TNRC6B: variants seen among roughly 807,000 people sequenced by gnomAD.
TNRC6B encodes the protein trinucleotide repeat containing adaptor 6B, also known as trinucleotide repeat-containing gene 6B protein.
A neutral mutation model predicts 203.6 loss-of-function variants in TNRC6B; 52 were observed. The ratio of observed to expected loss-of-function variants is 0.26; its 90% confidence interval spans 0.20 to 0.32. The LOEUF is 0.32. Among genes scored for constraint, TNRC6B ranks in the 10% least tolerant of loss-of-function variants. The probability of loss-of-function intolerance (pLI) is 1.00; values close to 1 mark genes in which losing one functional copy is unlikely to be tolerated. For synonymous variants in TNRC6B, 838 were observed against 845.7 expected (o/e 0.99, Z 0.16); for missense variants, 1,923 against 2,286.2 (o/e 0.84, Z 3.24).
chr22:40,285,564 G>A (rs1427411267), intron 11 of TNRC6B, 81 bp from the exon 12 acceptor site: 2 of 1,491,678 alleles, frequency 1.3e-6, no homozygotes, highest in Non-Finnish European at 9.1e-7. Flanking sequence ...TTCTTCTGAG[G>A]GATCTAAAAG....
chr22:40,276,407 C>T (rs1050492704), intron 7 of TNRC6B, among the ~76,000 whole-genome samples: 1 of 152,104 alleles, frequency 6.6e-6, no homozygotes, highest in African/African-American at 2.4e-5. Flanking sequence ...TGCACAAAGC[C>T]CCAGCCCACC....
chr22:40,284,039 G>A (rs2070752756), intron 11 of TNRC6B, among the ~76,000 whole-genome samples: 1 of 152,216 alleles, frequency 6.6e-6, no homozygotes. Context: ...CTGTTTTCTT[G>A]GAGGTGATCA....
At chr22:40,126,652 A>G (rs1212054542) in intron 3 of TNRC6B, among the ~76,000 whole-genome samples, 1 of 129,552 alleles carries the variant, frequency 7.7e-6, no homozygotes, top group African/African-American at 3.1e-5. Flanking sequence ...GTGCAGTCAT[A>G]CGATCTTGAC....
intron 1 of TNRC6B, among the ~76,000 whole-genome samples, chr22:40,095,741 T>C (rs1298197045): frequency 6.6e-6 from 1 of 151,230 alleles, no homozygotes; most frequent in Non-Finnish European, 1.5e-5. Context: ...TTATATGATG[T>C]GTATTTCCTT....
Position 40,137,127 on chromosome 22 carries a change from G to A in TNRC6B, c.45+11265G>A, listed in dbSNP as rs1416268923. ...AATTTGTTTTGTTTGTGTTTTGGTAGGGGATGCAGAGAAAAAAGATTTACC... is the reference window on the plus strand; with the variant it reads ...AATTTGTTTTGTTTGTGTTTTGGTAAGGGATGCAGAGAAAAAAGATTTACC... On this transcript the variant is annotated intron_variant, in intron 3 of 23. Coordinates refer to the TNRC6B transcript ENST00000301923. Among the ~76,000 whole-genome samples, 3 of 152,174 alleles carry A rather than the reference G, an allele frequency of 2.0e-5. No homozygotes were observed. In the East Asian group the frequency reaches 5.8e-4, roughly 29 times the overall value.
At chr22:40,240,794 C>T (rs1421729095) in intron 1 of TNRC6B, among the ~76,000 whole-genome samples, 2 of 152,106 alleles carry the variant, frequency 1.3e-5, no homozygotes, top group Admixed American at 6.5e-5. Context: ...CTGGCATTTG[C>T]ATTTGTTGCT....
intron 1 of TNRC6B, among the ~76,000 whole-genome samples, chr22:40,100,176 T>G (rs1374262876): frequency 6.6e-6 from 1 of 151,780 alleles, no homozygotes; most frequent in African/African-American, 2.4e-5. Flanking sequence ...AATCTCCACC[T>G]TCCAGGTTCA....
At chr22:40,201,868 A>G (rs1161464208) in intron 1 of TNRC6B, among the ~76,000 whole-genome samples, 1 of 152,126 alleles carries the variant, frequency 6.6e-6, no homozygotes, top group African/African-American at 2.4e-5. Flanking sequence ...TCAGATTTTC[A>G]GATTCAGGAT....
intron 3 of TNRC6B, among the ~76,000 whole-genome samples, chr22:40,147,686 C>G (rs566523157): frequency 4.6e-5 from 7 of 152,206 alleles, no homozygotes; most frequent in African/African-American, 1.7e-4. Flanking sequence ...GAAGGCCCCA[C>G]CTCCCAACAC....
chr22:40,160,592 T>TG (rs1368445267), intron 4 of TNRC6B, among the ~76,000 whole-genome samples: 1 of 152,214 alleles, frequency 6.6e-6, no homozygotes, highest in Non-Finnish European at 1.5e-5. Flanking sequence ...ATTGATTGAC[T>TG]GATTGACAGG....
intron 1 of TNRC6B, among the ~76,000 whole-genome samples, chr22:40,200,973 C>T (rs756686983): frequency 7.9e-5 from 12 of 152,128 alleles, no homozygotes; most frequent in African/African-American, 2.2e-4. Context: ...ACTGTGCCTC[C>T]GCCTCCTTAT....
intron 3 of TNRC6B, among the ~76,000 whole-genome samples, chr22:40,255,904 G>A (rs966260530): frequency 6.6e-6 from 1 of 152,172 alleles, no homozygotes; most frequent in African/African-American, 2.4e-5. Context: ...CCCAGCTGGA[G>A]TGCAATGGCA....
chr22:40,259,152 T>A (rs2070333698), intron 3 of TNRC6B, among the ~76,000 whole-genome samples: 3 of 152,200 alleles, frequency 2.0e-5, no homozygotes, highest in Admixed American at 2.0e-4. Flanking sequence ...TATTAAATAA[T>A]CTTCATTCAT....
intron 1 of TNRC6B, among the ~76,000 whole-genome samples, chr22:40,240,988 C>G (rs558378117): frequency 1.5e-4 from 23 of 152,216 alleles, no homozygotes; most frequent in African/African-American, 5.3e-4. Context: ...TAGGTATAAA[C>G]AAGAATTTAG....
intron 1 of TNRC6B, among the ~76,000 whole-genome samples, chr22:40,085,643 G>T (rs1273748974): frequency 6.6e-6 from 1 of 152,046 alleles, no homozygotes; most frequent in Non-Finnish European, 1.5e-5. Context: ...TTCAGATTGG[G>T]TTTTTTTGGC....
At chr22:40,165,363 G>C (rs562248661) in intron 4 of TNRC6B, among the ~76,000 whole-genome samples, 1 of 151,468 alleles carries the variant, frequency 6.6e-6, no homozygotes, top group Admixed American at 6.6e-5. Flanking sequence ...TTTTAGTAGC[G>C]ACAAAGCCTG....
intron 1 of TNRC6B, among the ~76,000 whole-genome samples, chr22:40,101,195 C>G (rs1054011351): frequency 2.0e-5 from 3 of 151,994 alleles, no homozygotes; most frequent in African/African-American, 7.2e-5. Context: ...GGTTTCATTG[C>G]GTTAGCCAGG....
chr22:40,128,565 G>A (rs960092284), intron 3 of TNRC6B, among the ~76,000 whole-genome samples: 1 of 150,728 alleles, frequency 6.6e-6, no homozygotes, highest in Admixed American at 6.6e-5. Context: ...CACGGCTCAC[G>A]GCTCACGGCT....
intron 1 of TNRC6B, among the ~76,000 whole-genome samples, chr22:40,220,716 C>A (rs895778895): frequency 3.9e-5 from 6 of 152,180 alleles, no homozygotes; most frequent in Non-Finnish European, 7.3e-5. Flanking sequence ...CAGTGGAAAG[C>A]TTAACTATAG....
Sources: gnomAD v4.1 joint callset for allele counts (sites outside exome capture counted in the v4.1 genomes callset) on GRCh38, gnomAD v4.1.1 for gene constraint, MANE v1.5 for transcripts, NCBI Gene and HGNC (gene_info 2026-07-23, HGNC 2026-07-21) for gene names.